ATG7: variants seen among roughly 807,000 people sequenced by gnomAD.
ATG7 encodes the protein ubiquitin-like modifier-activating enzyme ATG7.
A neutral mutation model predicts 82.4 loss-of-function variants in ATG7; 70 were observed. That is an observed-to-expected ratio of 0.85 (90% CI 0.70 to 1.04). The LOEUF (loss-of-function observed/expected upper bound fraction) is 1.04, where lower values mean the gene tolerates loss of function less well. ATG7 is among the 50% of genes least tolerant of loss of function. The pLI is 0.00. For missense variants in ATG7, 792 were observed against 864.3 expected, an observed-to-expected ratio of 0.92 and a Z score of 1.05; for synonymous variants, 287 against 313.0, an observed-to-expected ratio of 0.92 and a Z score of 0.88.
intron 20 of ATG7, among the ~76,000 whole-genome samples, chr3:11,434,875 A>C (rs1159507147): frequency 6.6e-6 from 1 of 152,238 alleles, no homozygotes; most frequent in Non-Finnish European, 1.5e-5. Flanking sequence ...ATGGGAATCC[A>C]GTCCTTCTTA....
chr3:11,475,909 C>CT (rs1479988312), intron 20 of ATG7, among the ~76,000 whole-genome samples: 57 of 104,796 alleles, frequency 5.4e-4, no homozygotes, highest in African/African-American at 1.8e-3. Context: ...ACACACACAC[C>CT]CCCTCCCAGA....
intron 20 of ATG7, among the ~76,000 whole-genome samples, chr3:11,458,383 C>A (rs945433504): frequency 6.6e-6 from 1 of 152,094 alleles, no homozygotes; most frequent in Non-Finnish European, 1.5e-5. Flanking sequence ...CCTGCCTCAG[C>A]CTCCTGAGTA....
Position 11,494,666 on chromosome 3 carries a change from G to A in ATG7, c.2080-60145G>A, listed in dbSNP as rs537728230. ...AGCAGAGCAGAATAGATCATCTCTT[G>A]ATGGAACACAGATATGGAGGACTCA... On this transcript the variant is annotated intron_variant, in intron 20 of 20. Transcript: ENST00000693202. Among the ~76,000 whole-genome samples the A allele has an allele frequency of 8.5e-5, 13 of 152,276 alleles. No individual in the cohort carries two copies. In the South Asian group the frequency reaches 2.5e-3, roughly 29 times the overall value.
At chr3:11,413,745 T>C (rs2081127851) in intron 19 of ATG7, among the ~76,000 whole-genome samples, 1 of 152,170 alleles carries the variant, frequency 6.6e-6, no homozygotes, top group South Asian at 2.1e-4. Context: ...GCTGGCCTCA[T>C]AGAATGACTT....
intron 19 of ATG7, among the ~76,000 whole-genome samples, chr3:11,396,324 A>C (rs34830847): frequency 0.51 from 77,899 of 151,748 alleles, 20,882 homozygotes; most frequent in East Asian, 0.68. Flanking sequence ...CTGTAGTTCC[A>C]GCTACTTCAG....
intron 20 of ATG7, among the ~76,000 whole-genome samples, chr3:11,503,291 A>G (rs996534857): frequency 6.6e-6 from 1 of 152,190 alleles, no homozygotes; most frequent in African/African-American, 2.4e-5. Flanking sequence ...CTCAAAAAAG[A>G]CTAGACTAAA....
At chr3:11,449,382 C>A (rs2036232) in intron 20 of ATG7, among the ~76,000 whole-genome samples, 50,041 of 151,906 alleles carry the variant, frequency 0.33, 9,413 homozygotes, top group African/African-American at 0.49. Flanking sequence ...AAACCAACAA[C>A]AACAAAAAAC....
chr3:11,568,232 C>G, the ATG7 span, among the ~76,000 whole-genome samples: 3 of 152,214 alleles, frequency 2.0e-5, no homozygotes, highest in African/African-American at 7.2e-5. The surrounding 1 kb of genome is among the most constrained non-coding windows in gnomAD (Gnocchi z 5.9). Context: ...AGGCACTGCC[C>G]ACCCCTCGCA....
chr3:11,348,187 C>T, intron 14 of ATG7, 152 bp downstream of exon 14: 1 of 1,090,398 alleles, frequency 9.2e-7, no homozygotes, highest in Admixed American at 2.8e-5. Context: ...TTCCTCATCT[C>T]AGAGAGGGAT....
intron 10 of ATG7, among the ~76,000 whole-genome samples, chr3:11,332,347 A>G (rs1374864480): frequency 2.6e-5 from 4 of 152,260 alleles, no homozygotes; most frequent in African/African-American, 4.8e-5. Context: ...GTATGGACTT[A>G]GAGTAGTTGT....
chr3:11,469,898 G>T (rs970848766), intron 20 of ATG7, among the ~76,000 whole-genome samples: 1 of 147,240 alleles, frequency 6.8e-6, no homozygotes, highest in African/African-American at 2.5e-5. Context: ...GCTGAGGCAG[G>T]AGAATCTCTT....
chr3:11,426,892 T>A lies in ATG7; in HGVS notation c.2045T>A (p.Leu682His). The change falls in exon 20 of 21, where the codon CTT becomes CAT. Residue 682 changes from leucine to histidine, a missense_variant. By Grantham distance (99) the Leu-to-His change is moderately conservative. Coordinates refer to ENST00000693202, the MANE Select transcript of ATG7 (RefSeq NM_001349232.2). ...TCCTTCTTAGAAGACTTGACTGGTCTTACATTGCTGCATCAAGAAACCCAA... is the reference window on the plus strand; with the variant it reads ...TCCTTCTTAGAAGACTTGACTGGTCATACATTGCTGCATCAAGAAACCCAA... The part of the protein sequence containing the change: ...SHSFLEDLTG[L>H]TLLHQETQAA... The A allele has an allele frequency of 6.2e-7, 1 of 1,609,690 alleles. No homozygotes were observed. The highest frequency in any genetic ancestry group is 8.5e-7 in the Non-Finnish European group (1 of 1,178,432).
intron 13 of ATG7, 98 bp from the exon 14 acceptor site, chr3:11,347,779 C>G: frequency 7.5e-7 from 1 of 1,328,444 alleles, no homozygotes; most frequent in South Asian, 1.8e-5. Flanking sequence ...TTGAGGTTCC[C>G]AAGCTTCTCC....
intron 6 of ATG7, 62 bp from the exon 7 acceptor site, chr3:11,308,922 C>A (rs1250385780): frequency 3.4e-6 from 5 of 1,469,326 alleles, no homozygotes; most frequent in Non-Finnish European, 4.8e-6. Context: ...CACACTTCAC[C>A]TGAGAGTGAG....
chr3:11,517,006 C>T (rs1575156932), intron 20 of ATG7, among the ~76,000 whole-genome samples: 1 of 152,110 alleles, frequency 6.6e-6, no homozygotes, highest in African/African-American at 2.4e-5. Flanking sequence ...TCACTTGAAC[C>T]TGGGAGGTGG....
In ATG7 at chr3:11,380,001, T is replaced by G. The variant is rs771690772; in HGVS notation, c.1905T>G (p.Asn635Lys). The stretch of plus-strand genomic sequence containing the variant: ...GGGGATTTCTTTCACGGTTTGATAA[T>G]GTCCTTCCCGTCAGCCTGGCATTTG... ...QIRGFLSRFD[N>K]VLPVSLAFDK... The change falls in exon 19 of 21, where the codon AAT becomes AAG. Residue 635 changes from asparagine to lysine, a missense_variant. Transcript: ENST00000693202. The G allele has an allele frequency of 1.2e-6, 2 of 1,614,202 alleles. No homozygotes were observed. The highest frequency in any genetic ancestry group is 2.2e-5 in the South Asian group (2 of 91,078).
At position 11,476,145 on chromosome 3, in the gene ATG7, G is replaced by A. The variant is rs149173210; in HGVS notation, c.2079+49219G>A. Reference sequence around the variant, plus strand: ...TCTCCTTTGTACCCTAAGGTGTAGAGAAAGCTGGACCTCAAAACTGATGTC... The same window carrying A: ...TCTCCTTTGTACCCTAAGGTGTAGAAAAAGCTGGACCTCAAAACTGATGTC... On this transcript the variant is annotated intron_variant, in intron 20 of 20. Coordinates refer to ENST00000693202, the MANE Select transcript of ATG7 (RefSeq NM_001349232.2). Among the ~76,000 whole-genome samples, 84 of 152,280 alleles carry A rather than the reference G, an allele frequency of 5.5e-4. 1 individual carries two copies. Among genetic ancestry groups the A allele is most frequent in the Middle Eastern group, 3.4e-3 (1 of 294 alleles).
intron 20 of ATG7, among the ~76,000 whole-genome samples, chr3:11,469,252 C>T (rs566832892): frequency 1.9e-3 from 285 of 152,100 alleles, no homozygotes; most frequent in Non-Finnish European, 3.5e-3. Flanking sequence ...GAGTTCAAGA[C>T]CAGCCTGACC....
chr3:11,479,661 A>G (rs1574913880), intron 20 of ATG7, among the ~76,000 whole-genome samples: 1 of 152,206 alleles, frequency 6.6e-6, no homozygotes, highest in East Asian at 1.9e-4. Context: ...TCAAAAAATA[A>G]ATAAATAAAA....
Sources: allele counts gnomAD v4.1 joint callset (sites outside exome capture counted in the v4.1 genomes callset), GRCh38; gene constraint gnomAD v4.1.1; non-coding constraint Gnocchi (gnomAD v3.1); transcripts MANE v1.5; gene names NCBI Gene and HGNC (gene_info 2026-07-23, HGNC 2026-07-21).